The following KCNK2 variants were observed in gnomAD, a reference collection of about 807,000 sequenced individuals.
KCNK2 encodes potassium channel subfamily K member 2.
KCNK2 carries 21 observed loss-of-function variants against 40.5 expected under a neutral mutation model. The observed-to-expected ratio is 0.52, with a 90% CI of 0.37 to 0.75. The LOEUF (loss-of-function observed/expected upper bound fraction) is 0.75. Among genes scored for constraint, KCNK2 ranks in the 30% least tolerant of loss-of-function variants. The pLI, the probability that KCNK2 is intolerant of heterozygous loss-of-function variation, is 0.00. For synonymous variants in KCNK2, 191 were observed against 202.2 expected (o/e 0.94, Z 0.47); for missense variants, 399 against 531.6 (o/e 0.75, Z 2.45).
chr1:215,060,999 A>C (rs1268709869), intron 1 of KCNK2, among the ~76,000 whole-genome samples: 1 of 152,204 alleles, frequency 6.6e-6, no homozygotes, highest in African/African-American at 2.4e-5. Context: ...TAATAGAAAT[A>C]CATACCTTCA....
chr1:215,049,170 T>C (rs1477898894), intron 1 of KCNK2, among the ~76,000 whole-genome samples: 1 of 152,232 alleles, frequency 6.6e-6, no homozygotes, highest in African/African-American at 2.4e-5. Context: ...CACTAAGTTT[T>C]ATTTTAGCCT....
chr1:215,141,900 T>C (rs1662190585), intron 3 of KCNK2, among the ~76,000 whole-genome samples: 2 of 152,154 alleles, frequency 1.3e-5, no homozygotes, highest in Non-Finnish European at 2.9e-5. Flanking sequence ...AGCTATTCTA[T>C]GCTGATGGTT....
At chr1:215,170,314 T>C (rs1361384172) in intron 4 of KCNK2, among the ~76,000 whole-genome samples, 2 of 152,184 alleles carry the variant, frequency 1.3e-5, no homozygotes, top group East Asian at 1.9e-4. Context: ...AGTTGTATTA[T>C]AGTCAACAAA....
intron 1 of KCNK2, among the ~76,000 whole-genome samples, chr1:215,073,072 G>T (rs1658810849): frequency 6.6e-6 from 1 of 152,108 alleles, no homozygotes; most frequent in Admixed American, 6.6e-5. Context: ...CACACAAAGG[G>T]AAAAGGATGT....
chr1:215,171,675 A>T (rs1358556377), intron 4 of KCNK2, among the ~76,000 whole-genome samples: 2 of 152,148 alleles, frequency 1.3e-5, no homozygotes, highest in Non-Finnish European at 2.9e-5. Context: ...CTAAAATTGC[A>T]TTCTCAGGGC....
At chr1:215,187,392 TG>T (rs1171585950) in intron 5 of KCNK2, among the ~76,000 whole-genome samples, 1 of 152,188 alleles carries the variant, frequency 6.6e-6, no homozygotes, top group African/African-American at 2.4e-5. Flanking sequence ...AAGTCTCAGG[TG>T]ATAAGTTAAG....
chr1:215,174,285 G>A (rs986887193), intron 5 of KCNK2, among the ~76,000 whole-genome samples: 1 of 152,088 alleles, frequency 6.6e-6, no homozygotes, highest in African/African-American at 2.4e-5. Flanking sequence ...AGTTGTAGAT[G>A]TGTGCTATTA....
intron 1 of KCNK2, among the ~76,000 whole-genome samples, chr1:215,007,061 G>GTGTGTGTGTATATATATA (rs1656170494): frequency 1.1e-4 from 7 of 64,242 alleles, no homozygotes; most frequent in African/African-American, 3.4e-4. Context: ...ATATATATAT[G>GTGTGTGTGTATATATATA]TGTGTGTGTG....
At chr1:215,206,138 A>G (rs1039568957) in intron 6 of KCNK2, among the ~76,000 whole-genome samples, 7 of 152,126 alleles carry the variant, frequency 4.6e-5, no homozygotes, top group African/African-American at 1.7e-4. Context: ...TCTCAGCCTT[A>G]CTGTTACCTC....
At position 215,053,223 on chromosome 1, in the gene KCNK2, CA is replaced by C. The variant is rs1658049070; in HGVS notation, c.35-33142del. 3.3e-5 allele frequency among the ~76,000 whole-genome samples: 5 copies of C among 152,122 alleles called. No individual in the cohort carries two copies. In the South Asian group the frequency reaches 1.0e-3, roughly 32 times the overall value. On this transcript the variant is annotated intron_variant, in intron 1 of 6. Coordinates refer to the KCNK2 transcript ENST00000391895. ...CAAGTCCATGGAAAGACATGAAAAC[CA>C]AACTCTCAGAAGGGAATGCTACATG...
intron 1 of KCNK2, among the ~76,000 whole-genome samples, chr1:215,084,403 A>G (rs1370668130): frequency 1.3e-5 from 2 of 152,196 alleles, no homozygotes; most frequent in African/African-American, 4.8e-5. Flanking sequence ...TCTGAGGAGG[A>G]GAGACTTGGA....
intron 2 of KCNK2, among the ~76,000 whole-genome samples, chr1:215,099,697 TG>T (rs1472997845): frequency 6.6e-6 from 1 of 151,930 alleles, no homozygotes; most frequent in Non-Finnish European, 1.5e-5. Context: ...CAGATTAAGG[TG>T]AAGCACATTT....
At chr1:215,057,806 G>C (rs970566399) in intron 1 of KCNK2, among the ~76,000 whole-genome samples, 1 of 152,028 alleles carries the variant, frequency 6.6e-6, no homozygotes, top group African/African-American at 2.4e-5. Flanking sequence ...TTTGCTCCCT[G>C]GCCTGGCAAC....
At chr1:215,180,818 G>A (rs536435285) in intron 5 of KCNK2, among the ~76,000 whole-genome samples, 10 of 152,162 alleles carry the variant, frequency 6.6e-5, no homozygotes, top group Non-Finnish European at 1.3e-4. Flanking sequence ...ACCTCAGGCA[G>A]TCTGGTGACT....
chr1:215,180,549 G>A (rs1373433844), intron 5 of KCNK2, among the ~76,000 whole-genome samples: 1 of 152,034 alleles, frequency 6.6e-6, no homozygotes, highest in African/African-American at 2.4e-5. Context: ...TAAGGTTAAT[G>A]TAGTGGTAAC....
chr1:215,167,796 A>T (rs1663514850), intron 3 of KCNK2, among the ~76,000 whole-genome samples: 1 of 152,142 alleles, frequency 6.6e-6, no homozygotes, highest in South Asian at 2.1e-4. Context: ...AGTCAACAGG[A>T]TTATCAGCAA....
At chr1:215,054,659 T>G (rs1006288575) in intron 1 of KCNK2, among the ~76,000 whole-genome samples, 16 of 152,222 alleles carry the variant, frequency 1.1e-4, no homozygotes, top group Non-Finnish European at 2.2e-4. Flanking sequence ...CAGGGTGTAT[T>G]TTTCTATAAA....
chr1:215,060,521 A>T (rs1045390325), intron 1 of KCNK2, among the ~76,000 whole-genome samples: 1 of 152,230 alleles, frequency 6.6e-6, no homozygotes, highest in Non-Finnish European at 1.5e-5. Flanking sequence ...TTGGCTCAAA[A>T]ATATACTTTA....
At chr1:215,179,165 G>A (rs371906660) in intron 5 of KCNK2, among the ~76,000 whole-genome samples, 1 of 151,938 alleles carries the variant, frequency 6.6e-6, no homozygotes, top group African/African-American at 2.4e-5. Context: ...TAGTCTCTGA[G>A]AATCTTTTGG....
Sources: gnomAD v4.1 joint callset for allele counts (sites outside exome capture counted in the v4.1 genomes callset) on GRCh38, gnomAD v4.1.1 for gene constraint, MANE v1.5 for transcripts, NCBI Gene and HGNC (gene_info 2026-07-23, HGNC 2026-07-21) for gene names.